RAB6B: variants seen among roughly 807,000 people sequenced by gnomAD.
The protein encoded by RAB6B is ras-related protein Rab-6B.
In RAB6B, 7 loss-of-function variants were observed where a neutral mutation model predicts 31.2. That is an observed-to-expected ratio of 0.22 (90% confidence interval 0.13 to 0.42). The LOEUF (loss-of-function observed/expected upper bound fraction) is 0.42, where lower values mean the gene tolerates loss of function less well. RAB6B is among the 10% of genes least tolerant of loss of function. The pLI is 1.00. For synonymous variants in RAB6B, 105 were observed against 104.9 expected (o/e 1.00, Z -0.01); for missense variants, 149 against 280.6 (o/e 0.53, Z 3.35).
At position 133,828,412 on chromosome 3, in the gene RAB6B, G is replaced by T. The variant is rs1935606126; in HGVS notation, c.*376C>A. The T allele has an allele frequency of 5.6e-6, 2 of 359,096 alleles. No individual in the cohort carries two copies. 22.2% of individuals were successfully genotyped at this position (359,096 alleles called of 1,614,324 possible). ...AGGAAGGAGGAGGTGTGTGGAAAAGGTTCTCTATAAGTTTACAAATATACA... is the reference window on the plus strand; with the variant it reads ...AGGAAGGAGGAGGTGTGTGGAAAAGTTTCTCTATAAGTTTACAAATATACA... On this transcript the variant is annotated 3_prime_UTR_variant, in exon 8 of 8. Coordinates refer to ENST00000285208, the MANE Select transcript of RAB6B (RefSeq NM_016577.4).
intron 4 of RAB6B, among the ~76,000 whole-genome samples, chr3:133,839,987 T>TAC (rs58229770): frequency 0.081 from 12,185 of 149,952 alleles, 623 homozygotes; most frequent in African/African-American, 0.14. Context: ...TGTGTGTGCA[T>TAC]ACACACACAC....
chr3:133,866,787 A>G (rs1269923415), intron 1 of RAB6B, among the ~76,000 whole-genome samples: 2 of 148,408 alleles, frequency 1.3e-5, no homozygotes, highest in East Asian at 2.0e-4. Context: ...AGGCAGATGC[A>G]TTGGGGAAAA....
At chr3:133,859,464 G>A (rs1023784699) in intron 2 of RAB6B, among the ~76,000 whole-genome samples, 1 of 152,168 alleles carries the variant, frequency 6.6e-6, no homozygotes, top group African/African-American at 2.4e-5. Flanking sequence ...ATGAGTGTGT[G>A]AGTGTGTCCA....
In RAB6B at chr3:133,895,773, CGCGGGCGGA is replaced by C. The variant is rs1936704094; in HGVS notation, c.-316_-308del. 1 of 374,556 alleles carries C rather than the reference CGCGGGCGGA, an allele frequency of 2.7e-6. No individual in the cohort carries two copies. Among genetic ancestry groups the C allele is most frequent in the Admixed American group, 4.9e-5 (1 of 20,590 alleles). The allele number at this position is 374,556 out of a possible 1,614,324, so 23.2% of individuals were successfully genotyped here. A position where few individuals can be genotyped will look rare whatever the true frequency, so the allele number is the denominator to read the frequency against. On this transcript the variant is annotated 5_prime_UTR_variant, in exon 1 of 8. Transcript: ENST00000285208. ...CCGAGGCGCGGCGCTGGGAGAGAGG[CGCGGGCGGA>C]GCGGGGCGCAGGGACGGCGCGCGGG...
intron 7 of RAB6B, among the ~76,000 whole-genome samples, chr3:133,832,491 A>C (rs1200414830): frequency 6.6e-6 from 1 of 152,208 alleles, no homozygotes; most frequent in Non-Finnish European, 1.5e-5. Context: ...ACAGCGCCAC[A>C]AAGCAGTGCT....
chr3:133,853,702 T>C (rs530890079), intron 2 of RAB6B, among the ~76,000 whole-genome samples: 1 of 152,200 alleles, frequency 6.6e-6, no homozygotes, highest in South Asian at 2.1e-4. Flanking sequence ...ATTGGGAGTG[T>C]CCTGGAAAAA....
Position 133,885,680 on chromosome 3 carries a change from T to C in RAB6B, c.70+9717A>G, listed in dbSNP as rs992480455. On this transcript the variant is annotated intron_variant, in intron 1 of 7. Transcript: ENST00000285208. The stretch of plus-strand genomic sequence containing the variant: ...AACCCAGGGCACTGTGGAGATAGGA[T>C]GGACAGGGGAGCTTAAAGGGGCTAG... 16 of 700,268 alleles carry C rather than the reference T, an allele frequency of 2.3e-5. 1 individual carries two copies. Among genetic ancestry groups the C allele is most frequent in the South Asian group, 1.9e-4 (13 of 67,144 alleles). 43.4% of individuals were successfully genotyped at this position (700,268 alleles called of 1,614,324 possible).
In RAB6B at chr3:133,877,060, T is replaced by C. The variant is rs550888823; in HGVS notation, c.71-12418A>G. On this transcript the variant is annotated intron_variant, in intron 1 of 7. Transcript: ENST00000285208. ...AGGTAATGATGACCCCTGAGATACA[T>C]GAAACAGAGGAGGGGAGCCCCACAG... Among the ~76,000 whole-genome samples, 331 of 152,176 alleles carry C rather than the reference T, an allele frequency of 2.2e-3. 1 individual carries two copies. The highest frequency in any genetic ancestry group is 7.7e-3 in the African/African-American group (320 of 41,518).
chr3:133,836,883 C>T (rs1935744319), intron 6 of RAB6B, among the ~76,000 whole-genome samples: 1 of 152,146 alleles, frequency 6.6e-6, no homozygotes, highest in Admixed American at 6.5e-5. Flanking sequence ...CCCTTCCACC[C>T]TTCTTGTCTC....
In RAB6B at chr3:133,892,476, T is replaced by C. The variant is rs545463047; in HGVS notation, c.70+2921A>G. ...TTCCCTGGTATCTTCAAAGACCTGA[T>C]GTCCACCTGCGATTATCTGGCCCAG... On this transcript the variant is annotated intron_variant, in intron 1 of 7. Transcript: ENST00000285208. 1.4e-3 allele frequency among the ~76,000 whole-genome samples: 210 copies of C among 152,154 alleles called. 1 individual carries two copies. The highest frequency in any genetic ancestry group is 2.4e-3 in the Non-Finnish European group (165 of 68,014).
intron 1 of RAB6B, chr3:133,885,449 C>A (rs768948257): frequency 2.0e-5 from 14 of 701,082 alleles, no homozygotes; most frequent in Non-Finnish European, 3.4e-5. Context: ...ACCCAGTGAC[C>A]AGAGGACAGA....
rs115579239 is a variant in RAB6B, at chr3:133,880,493, C to T, written c.70+14904G>A. On this transcript the variant is annotated intron_variant, in intron 1 of 7. Coordinates refer to ENST00000285208, the MANE Select transcript of RAB6B (RefSeq NM_016577.4). ...CTTGCTCAGGCAAGTGGAAGGAGGC[C>T]TCTAGACTGCAGGCTGATGCAGGCA... is the stretch of plus-strand genomic sequence containing the variant. 6.8e-3 allele frequency among the ~76,000 whole-genome samples: 1,032 copies of T among 152,358 alleles called. 5 individuals are homozygous for T. Among genetic ancestry groups the T allele is most frequent in the Non-Finnish European group, 0.011 (746 of 68,022 alleles).
chr3:133,874,832 G>A (rs898242067), intron 1 of RAB6B, among the ~76,000 whole-genome samples: 22 of 140,194 alleles, frequency 1.6e-4, no homozygotes, highest in African/African-American at 5.5e-4. Flanking sequence ...AACTTTTTTT[G>A]TTAAAAACTA....
intron 1 of RAB6B, among the ~76,000 whole-genome samples, chr3:133,894,227 G>T (rs1173745303): frequency 6.6e-6 from 1 of 152,178 alleles, no homozygotes; most frequent in African/African-American, 2.4e-5. Flanking sequence ...GTCCTGTCCC[G>T]CAAGGACAGC....
chr3:133,835,119 CA>C (rs1258714726), intron 6 of RAB6B, among the ~76,000 whole-genome samples: 1 of 152,172 alleles, frequency 6.6e-6, no homozygotes, highest in African/African-American at 2.4e-5. Flanking sequence ...ACAGCAGGGC[CA>C]GGGCTGCATG....
chr3:133,831,529 C>T (rs964393495), intron 7 of RAB6B, among the ~76,000 whole-genome samples: 1 of 152,218 alleles, frequency 6.6e-6, no homozygotes, highest in Non-Finnish European at 1.5e-5. Context: ...CCAGCTCTTC[C>T]GCTAGGAGCC....
intron 2 of RAB6B, among the ~76,000 whole-genome samples, chr3:133,862,841 C>T (rs1166848456): frequency 1.3e-5 from 2 of 152,192 alleles, no homozygotes; most frequent in Non-Finnish European, 2.9e-5. Context: ...CCAAGAACAC[C>T]AACCAACCAA....
At chr3:133,831,530 G>A (rs975403283) in intron 7 of RAB6B, among the ~76,000 whole-genome samples, 8 of 152,192 alleles carry the variant, frequency 5.3e-5, no homozygotes, top group Non-Finnish European at 8.8e-5. Context: ...CAGCTCTTCC[G>A]CTAGGAGCCT....
At chr3:133,871,081 G>A (rs1936316688) in intron 1 of RAB6B, among the ~76,000 whole-genome samples, 2 of 152,214 alleles carry the variant, frequency 1.3e-5, no homozygotes, top group Admixed American at 6.5e-5. Context: ...TGGTTTCTAG[G>A]TAGCTGCAGA....
Sources: gnomAD v4.1 joint callset for allele counts (sites outside exome capture counted in the v4.1 genomes callset) on GRCh38, gnomAD v4.1.1 for gene constraint, MANE v1.5 for transcripts, NCBI Gene and HGNC (gene_info 2026-07-23, HGNC 2026-07-21) for gene names.